The following CBX7 variants were observed in gnomAD, a reference collection of about 807,000 sequenced individuals.
CBX7 encodes chromobox protein homolog 7.
In CBX7, 14 loss-of-function variants were observed where a neutral mutation model predicts 31.4. That is an observed-to-expected ratio of 0.45 (90% CI 0.29 to 0.70). The LOEUF (loss-of-function observed/expected upper bound fraction) is 0.70, where lower values mean the gene tolerates loss of function less well. Ranked by LOEUF, CBX7 falls within the 30% of genes least tolerant of loss-of-function variation. The pLI is 0.11. For synonymous variants in CBX7, 159 were observed against 152.6 expected, an observed-to-expected ratio of 1.04 and a Z score of -0.31; for missense variants, 269 against 351.9, an observed-to-expected ratio of 0.76 and a Z score of 1.89.
intron 3 of CBX7, among the ~76,000 whole-genome samples, 163 bp from the exon 4 acceptor site, chr22:39,138,865 G>C (rs376178147): frequency 2.0e-5 from 3 of 152,186 alleles, no homozygotes; most frequent in Non-Finnish European, 4.4e-5. Flanking sequence ...CCATAACAAC[G>C]GGGTCAGATG....
intron 2 of CBX7, among the ~76,000 whole-genome samples, chr22:39,146,331 G>T (rs1433190269): frequency 3.3e-5 from 5 of 152,240 alleles, no homozygotes; most frequent in Non-Finnish European, 7.3e-5. Flanking sequence ...CCCCAGCCTG[G>T]GTGGAGACAG....
chr22:39,134,056 G>A lies in CBX7; in HGVS notation c.599-8C>T, dbSNP rs373349348. 1.6e-5 allele frequency: 26 copies of A among 1,587,486 alleles called. No individual in the cohort carries two copies. The highest frequency in any genetic ancestry group is 8.1e-5 in the African/African-American group (6 of 74,186). ...CGGCCAGGTCGGCATCTGCTGCAGC[G>A]TCAGACACACAGATGGGGGCAGCGT... On this transcript the variant is annotated splice_region_variant and splice_polypyrimidine_tract_variant and intron_variant, in intron 5 of 5. Coordinates refer to ENST00000216133, the MANE Select transcript of CBX7 (RefSeq NM_175709.5).
In CBX7 at chr22:39,152,285, C is replaced by A; in HGVS notation, c.69+91G>T. 1.2e-6 allele frequency: 1 copy of A among 854,794 alleles called. No individual in the cohort carries two copies. The highest frequency in any genetic ancestry group is 1.5e-6 in the Non-Finnish European group (1 of 651,534). The allele number at this position is 854,794 out of a possible 1,614,324, so 53.0% of individuals were successfully genotyped here. A position where few individuals can be genotyped will look rare whatever the true frequency, so the allele number is the denominator to read the frequency against. On this transcript the variant is annotated intron_variant, in intron 1 of 5. Coordinates refer to ENST00000216133, the MANE Select transcript of CBX7 (RefSeq NM_175709.5). The surrounding 1 kb of genome is among the most constrained non-coding windows in gnomAD (Gnocchi z 4.9). ...GGGCTGCCGGGGCCCCCGCGCCCCG[C>A]TTTCCCCTTCAGCCCCAGCGTGGAG...
At chr22:39,135,773 C>T (rs1371762091) in intron 4 of CBX7, 1 of 152,324 alleles carries the variant, frequency 6.6e-6, no homozygotes, top group Non-Finnish European at 1.5e-5. Flanking sequence ...CCCACTCCTC[C>T]CAGCGGGCTC....
chr22:39,151,440 G>A (rs563324624), intron 1 of CBX7, among the ~76,000 whole-genome samples: 3 of 152,102 alleles, frequency 2.0e-5, no homozygotes, highest in Admixed American at 6.6e-5. Context: ...TAACTTGCTC[G>A]GTGACCTTGA....
At chr22:39,136,852 G>C (rs1168689409) in intron 4 of CBX7, 2 of 152,288 alleles carry the variant, frequency 1.3e-5, no homozygotes, top group Non-Finnish European at 2.9e-5. Flanking sequence ...ACGTCCAGGA[G>C]ATGTTACTTC....
intron 3 of CBX7, among the ~76,000 whole-genome samples, chr22:39,139,090 G>C (rs1930356892): frequency 6.6e-6 from 1 of 152,062 alleles, no homozygotes; most frequent in South Asian, 2.1e-4. Context: ...AATTTACCTT[G>C]AATGTCCCAG....
rs1419357866 is a variant in CBX7, at chr22:39,130,832, G to A, written c.*3059C>T. 1 of 152,322 alleles carries A rather than the reference G, an allele frequency of 6.6e-6. No individual in the cohort carries two copies. Among genetic ancestry groups the A allele is most frequent in the Non-Finnish European group, 1.5e-5 (1 of 67,996 alleles). 9.4% of individuals were successfully genotyped at this position (152,322 alleles called of 1,614,324 possible). A position where few individuals can be genotyped will look rare whatever the true frequency, so the allele number is the denominator to read the frequency against. ...AATAATTTTTTTGCCTCATTTACCA[G>A]ATAAATCATCTAAATAAATAGATGC... On this transcript the variant is annotated 3_prime_UTR_variant, in exon 6 of 6. Coordinates refer to ENST00000216133, the MANE Select transcript of CBX7 (RefSeq NM_175709.5).
At chr22:39,144,040 A>G (rs763415299) in intron 2 of CBX7, among the ~76,000 whole-genome samples, 8 of 152,232 alleles carry the variant, frequency 5.3e-5, no homozygotes, top group Non-Finnish European at 1.2e-4. Flanking sequence ...AGGGGTTAAA[A>G]GGCAGAAAGA....
At chr22:39,141,310 G>C in intron 3 of CBX7, 61 bp downstream of exon 3, 1 of 1,469,698 alleles carries the variant, frequency 6.8e-7, no homozygotes, top group Middle Eastern at 1.7e-4. Context: ...CCAGCAGCAG[G>C]CTCCTGGGAA....
chr22:39,152,253 C>T lies in CBX7; in HGVS notation c.69+123G>A, dbSNP rs1009649869. On this transcript the variant is annotated intron_variant, in intron 1 of 5. Transcript: ENST00000216133. The surrounding 1 kb of genome is among the most constrained non-coding windows in gnomAD (Gnocchi z 4.9). Reference sequence around the variant, plus strand: ...GCACGGGCTGGGGAGACGGGCCCAGCAGCGCAGGGCTGCCGGGGCCCCCGC... The same window carrying T: ...GCACGGGCTGGGGAGACGGGCCCAGTAGCGCAGGGCTGCCGGGGCCCCCGC... 8 of 390,034 alleles carry T rather than the reference C, an allele frequency of 2.1e-5. No individual in the cohort carries two copies. The highest frequency in any genetic ancestry group is 4.3e-5 in the African/African-American group (2 of 46,188). 24.2% of individuals were successfully genotyped at this position (390,034 alleles called of 1,614,324 possible).
Position 39,134,543 on chromosome 22 carries a change from C to T in CBX7, c.456G>A (p.Ser152=), listed in dbSNP as rs143924626. 1.8e-5 allele frequency: 29 copies of T among 1,610,046 alleles called. No homozygotes were observed. The highest frequency in any genetic ancestry group is 1.2e-4 in the African/African-American group (9 of 74,898). The change falls in exon 5 of 6, where the codon TCG becomes TCA. Residue 152 remains serine (S), a synonymous_variant. Coordinates refer to ENST00000216133, the MANE Select transcript of CBX7 (RefSeq NM_175709.5). ...GCCCGCGGGGCGGGAACTTCTTGCG[C>T]GAGAGCCGCAGGTACTTGTGGGCCT... The part of the protein sequence containing the change: ...PRKAHKYLRL[S]RKKFPPRGPN...
chr22:39,148,662 G>C (rs1406086384), intron 2 of CBX7: 1 of 152,320 alleles, frequency 6.6e-6, no homozygotes, highest in Non-Finnish European at 1.5e-5. Flanking sequence ...GGGGTGGAGT[G>C]TATTCTCGGC....
chr22:39,143,955 AC>A (rs971531307), intron 2 of CBX7, among the ~76,000 whole-genome samples: 10 of 152,376 alleles, frequency 6.6e-5, no homozygotes, highest in African/African-American at 2.4e-4. Flanking sequence ...AAACATACAG[AC>A]AAAAGCAAAG....
Position 39,133,713 on chromosome 22 carries a change from G to C in CBX7, c.*178C>G. On this transcript the variant is annotated 3_prime_UTR_variant, in exon 6 of 6. Transcript: ENST00000216133. ...CTCTCCATCCCCAGCCTGAGGCCTC[G>C]TGGTAAACGTCCCTCAGAGAAAGGG... The C allele has an allele frequency of 1.7e-6, 1 of 580,110 alleles. No homozygotes were observed. Among genetic ancestry groups the C allele is most frequent in the East Asian group, 3.4e-5 (1 of 29,728 alleles). 35.9% of individuals were successfully genotyped at this position (580,110 alleles called of 1,614,324 possible). A position where few individuals can be genotyped will look rare whatever the true frequency, so the allele number is the denominator to read the frequency against.
At chr22:39,149,435 T>G (rs1601567666) in intron 2 of CBX7, 1 of 391,982 alleles carries the variant, frequency 2.6e-6, no homozygotes. Context: ...GCAGCTGGGG[T>G]CCCCTCCTCC....
Position 39,131,711 on chromosome 22 carries a change from G to A in CBX7, c.*2180C>T, listed in dbSNP as rs1281404773. On this transcript the variant is annotated 3_prime_UTR_variant, in exon 6 of 6. Transcript: ENST00000216133. The stretch of plus-strand genomic sequence containing the variant: ...AGCAACTGCAGCACCCACACAGAAA[G>A]CCCCGTGAATCCACAGACCCACAGA... 6.6e-6 allele frequency: 1 copy of A among 152,258 alleles called. No homozygotes were observed. Among genetic ancestry groups the A allele is most frequent in the Non-Finnish European group, 1.5e-5 (1 of 68,094 alleles). 9.4% of individuals were successfully genotyped at this position (152,258 alleles called of 1,614,324 possible).
chr22:39,140,943 C>A (rs118160991), intron 3 of CBX7, among the ~76,000 whole-genome samples: 2 of 152,340 alleles, frequency 1.3e-5, no homozygotes, highest in Non-Finnish European at 2.9e-5. Context: ...CCTAAGAGGT[C>A]CTCTAGAGAC....
Position 39,134,586 on chromosome 22 carries a change from G to A in CBX7, c.413C>T (p.Pro138Leu), listed in dbSNP as rs750296545. ...GTGGGCCTTTCGGGGCTTGCGGAGC[G>A]GGAAGGGCAGGGTGGGCACCAAGGG... ...KGPLVPTLPF[P>L]LRKPRKAHKY... The change falls in exon 5 of 6, where the codon CCG becomes CTG. Residue 138 changes from proline (P) to leucine (L), a missense_variant. Pro to Leu is a moderately conservative substitution (Grantham distance 98). This residue lies in a region of CBX7 where 222 missense variants were observed against 240.4 expected (regional missense o/e 0.92). Transcript: ENST00000216133. 14 of 1,595,028 alleles carry A rather than the reference G, an allele frequency of 8.8e-6. No individual in the cohort carries two copies. Among genetic ancestry groups the A allele is most frequent in the South Asian group, 6.8e-5 (6 of 88,658 alleles).
Sources: allele counts gnomAD v4.1 joint callset (sites outside exome capture counted in the v4.1 genomes callset), GRCh38; gene constraint gnomAD v4.1.1; regional missense constraint gnomAD v4.1.1; non-coding constraint Gnocchi (gnomAD v3.1); transcripts MANE v1.5; gene names NCBI Gene and HGNC (gene_info 2026-07-23, HGNC 2026-07-21).